DAGLA: variants seen among roughly 807,000 people sequenced by gnomAD.
DAGLA encodes the protein diacylglycerol lipase-alpha.
DAGLA carries 22 observed loss-of-function variants against 102.6 expected under a neutral mutation model. That is an observed-to-expected ratio of 0.21 (90% CI 0.15 to 0.31). The LOEUF is 0.31. Among genes scored for constraint, DAGLA ranks in the 10% least tolerant of loss-of-function variants. The pLI is 1.00. For missense variants in DAGLA, 927 were observed against 1,446.6 expected (o/e 0.64, Z 5.83); for synonymous variants, 578 against 628.9 (o/e 0.92, Z 1.21).
chr11:61,706,708 G>A (rs549126901), intron 1 of DAGLA, among the ~76,000 whole-genome samples: 5 of 152,312 alleles, frequency 3.3e-5, no homozygotes, highest in Admixed American at 1.3e-4. Context: ...TGACCCCGCC[G>A]AGGTCCCCTA....
In DAGLA at chr11:61,720,167, C is replaced by T. The variant is rs142265242; in HGVS notation, c.12C>T (p.Ile4=). The T allele has an allele frequency of 1.0e-3, 1,611 of 1,612,976 alleles. 3 individuals are homozygous for T. The highest frequency in any genetic ancestry group is 1.3e-3 in the Non-Finnish European group (1,514 of 1,180,026). The change falls in exon 2 of 20, where the codon ATC becomes ATT. Residue 4 remains isoleucine, a synonymous_variant. Transcript: ENST00000257215. MPG[I]VVFRRRWSVG... ...CAGAGCCACCAGCCATGCCCGGGAT[C>T]GTGGTGTTCCGGCGGCGCTGGTCTG...
intron 1 of DAGLA, among the ~76,000 whole-genome samples, chr11:61,705,680 G>A (rs563903122): frequency 6.6e-6 from 1 of 152,336 alleles, no homozygotes; most frequent in East Asian, 1.9e-4. Flanking sequence ...CTGGCACCAT[G>A]TCGGCTTTTG....
intron 1 of DAGLA, among the ~76,000 whole-genome samples, chr11:61,711,631 G>C (rs1390816521): frequency 1.3e-5 from 2 of 152,228 alleles, no homozygotes; most frequent in Non-Finnish European, 2.9e-5. Context: ...AGCAGGAAAC[G>C]AAAGGCCTCA....
At chr11:61,732,550 G>T (rs543626139) in intron 9 of DAGLA, among the ~76,000 whole-genome samples, 1 of 152,360 alleles carries the variant, frequency 6.6e-6, no homozygotes, top group Non-Finnish European at 1.5e-5. Context: ...TGTCCTGCCT[G>T]CCCATAGGGT....
intron 16 of DAGLA, among the ~76,000 whole-genome samples, chr11:61,738,764 C>A (rs1172287737): frequency 1.3e-5 from 2 of 152,156 alleles, no homozygotes; most frequent in Non-Finnish European, 2.9e-5. Context: ...GGTGGCCAGG[C>A]ACACTGAGGC....
At chr11:61,727,389 G>A (rs2065337322) in intron 6 of DAGLA, among the ~76,000 whole-genome samples, 2 of 152,234 alleles carry the variant, frequency 1.3e-5, no homozygotes, top group Admixed American at 1.3e-4. Context: ...CAAACACTCA[G>A]GGGCGAGACC....
At chr11:61,735,076 C>T in intron 10 of DAGLA, 74 bp downstream of exon 10, 1 of 1,537,420 alleles carries the variant, frequency 6.5e-7, no homozygotes, top group Non-Finnish European at 8.9e-7. Flanking sequence ...GGCTATCCTT[C>T]CAGGCCGGCA....
chr11:61,712,478 G>GC (rs1189128367), intron 1 of DAGLA, among the ~76,000 whole-genome samples: 1 of 152,204 alleles, frequency 6.6e-6, no homozygotes, highest in African/African-American at 2.4e-5. Context: ...TCCCACTCCT[G>GC]CCCCTGGCTG....
Position 61,684,594 on chromosome 11 carries a change from G to A in DAGLA, c.-45+4090G>A, listed in dbSNP as rs929644265. Reference sequence around the variant, plus strand: ...CCGTGGAGGGGATTGGTGTGACCACGGGTAAGGGTGTTTTCATGGGGTGTT... The same window carrying A: ...CCGTGGAGGGGATTGGTGTGACCACAGGTAAGGGTGTTTTCATGGGGTGTT... On this transcript the variant is annotated intron_variant, in intron 1 of 19. Coordinates refer to ENST00000257215, the MANE Select transcript of DAGLA (RefSeq NM_006133.3). This position sits in a 1 kb window ranked among gnomAD's most constrained non-coding sequence, Gnocchi z 4.5. 6.6e-6 allele frequency among the ~76,000 whole-genome samples: 1 copy of A among 152,136 alleles called. No individual in the cohort carries two copies. Among genetic ancestry groups the A allele is most frequent in the African/African-American group, 2.4e-5 (1 of 41,424 alleles).
intron 1 of DAGLA, among the ~76,000 whole-genome samples, chr11:61,683,554 C>A (rs2064962039): frequency 6.6e-6 from 1 of 152,204 alleles, no homozygotes. Context: ...GCTCACCCTC[C>A]ACACCTCCTC....
At chr11:61,723,303 C>A (rs1344130411) in intron 4 of DAGLA, 131 bp from the exon 5 acceptor site, 3 of 1,305,256 alleles carry the variant, frequency 2.3e-6, no homozygotes, top group African/African-American at 1.5e-5. Flanking sequence ...GGACCAGGGG[C>A]TTTGGAGCCT....
At chr11:61,705,590 C>T (rs1252741920) in intron 1 of DAGLA, among the ~76,000 whole-genome samples, 2 of 152,200 alleles carry the variant, frequency 1.3e-5, no homozygotes, top group Admixed American at 1.3e-4. Flanking sequence ...CGCCTGAGCA[C>T]GTGTCAGAGG....
At chr11:61,715,717 C>T (rs1450413216) in intron 1 of DAGLA, among the ~76,000 whole-genome samples, 1 of 152,246 alleles carries the variant, frequency 6.6e-6, no homozygotes, top group Non-Finnish European at 1.5e-5. Flanking sequence ...CTTCCAGACC[C>T]CAGCACCCAG....
At chr11:61,707,093 G>A (rs1177905021) in intron 1 of DAGLA, among the ~76,000 whole-genome samples, 2 of 152,246 alleles carry the variant, frequency 1.3e-5, no homozygotes, top group Admixed American at 1.3e-4. Flanking sequence ...TGGTTGACAG[G>A]GATGAAGCCC....
chr11:61,718,545 A>G (rs1464179886), intron 1 of DAGLA, among the ~76,000 whole-genome samples: 1 of 151,576 alleles, frequency 6.6e-6, no homozygotes, highest in African/African-American at 2.4e-5. Context: ...GCTGTCAGCC[A>G]CATGTCACAG....
At chr11:61,737,870 A>C in intron 15 of DAGLA, 115 bp downstream of exon 15, 1 of 936,074 alleles carries the variant, frequency 1.1e-6, no homozygotes, top group South Asian at 1.4e-5. Context: ...CTCTCAAGGG[A>C]CCCCACGCCC....
At chr11:61,728,053 C>G (rs2065344529) in intron 6 of DAGLA, 100 bp from the exon 7 acceptor site, 1 of 1,418,308 alleles carries the variant, frequency 7.1e-7, no homozygotes, top group East Asian at 2.3e-5. Context: ...CGAGCAGACA[C>G]CTGCTTCTGC....
At chr11:61,708,346 C>T (rs1370396156) in intron 1 of DAGLA, among the ~76,000 whole-genome samples, 1 of 151,334 alleles carries the variant, frequency 6.6e-6, no homozygotes, top group Non-Finnish European at 1.5e-5. Context: ...TCACCAATCT[C>T]CTCCTCTGAG....
chr11:61,737,625 G>A (rs1440245584), intron 14 of DAGLA, 62 bp from the exon 15 acceptor site: 33 of 1,495,196 alleles, frequency 2.2e-5, no homozygotes, highest in Middle Eastern at 1.7e-4. Context: ...TGGGCCCCCC[G>A]ATTCCGGAAC....
Sources: allele counts gnomAD v4.1 joint callset (sites outside exome capture counted in the v4.1 genomes callset), GRCh38; gene constraint gnomAD v4.1.1; non-coding constraint Gnocchi (gnomAD v3.1); transcripts MANE v1.5; gene names NCBI Gene and HGNC (gene_info 2026-07-23, HGNC 2026-07-21).